The following METAP1D variants were observed in gnomAD, a reference collection of about 807,000 sequenced individuals.
METAP1D encodes the protein methionine aminopeptidase 1D, mitochondrial.
Under a neutral mutation model 40.5 loss-of-function variants are expected in METAP1D, and 31 were observed. That is an observed-to-expected ratio of 0.77 (90% CI 0.58 to 1.03). The LOEUF (loss-of-function observed/expected upper bound fraction) is 1.03. METAP1D is among the 50% of genes least tolerant of loss of function. The pLI is 0.00. For synonymous variants in METAP1D, 151 were observed against 146.4 expected (o/e 1.03, Z -0.22); for missense variants, 411 against 420.7 (o/e 0.98, Z 0.20).
At chr2:172,016,481 C>T (rs1159883019) in intron 1 of METAP1D, among the ~76,000 whole-genome samples, 1 of 150,286 alleles carries the variant, frequency 6.7e-6, no homozygotes, top group East Asian at 2.0e-4. Flanking sequence ...ATTAGCTGGA[C>T]GTGGTGGTGT....
At chr2:172,075,953 C>T (rs549047785) in intron 6 of METAP1D, among the ~76,000 whole-genome samples, 16 of 152,122 alleles carry the variant, frequency 1.1e-4, no homozygotes, top group African/African-American at 2.4e-4. Context: ...GCAGGACCCA[C>T]GGAGTAAATT....
intron 1 of METAP1D, among the ~76,000 whole-genome samples, chr2:172,026,097 A>G (rs1190528951): frequency 6.6e-6 from 1 of 152,138 alleles, no homozygotes; most frequent in African/African-American, 2.4e-5. Flanking sequence ...AGAATTAGGA[A>G]CCAAACATAT....
chr2:172,015,548 A>T (rs1688835382), intron 1 of METAP1D, among the ~76,000 whole-genome samples: 1 of 152,282 alleles, frequency 6.6e-6, no homozygotes, highest in Non-Finnish European at 1.5e-5. Flanking sequence ...ATGATTCAGT[A>T]AATTATGATT....
intron 1 of METAP1D, among the ~76,000 whole-genome samples, chr2:172,004,060 G>A (rs1258297780): frequency 6.6e-6 from 1 of 151,824 alleles, no homozygotes; most frequent in Non-Finnish European, 1.5e-5. Flanking sequence ...ATGAACCACC[G>A]CACCTGGCCA....
chr2:172,054,191 A>G (rs951708831), intron 1 of METAP1D, among the ~76,000 whole-genome samples: 2 of 152,188 alleles, frequency 1.3e-5, no homozygotes, highest in Non-Finnish European at 2.9e-5. Flanking sequence ...CAATAAATAT[A>G]GGGCATGTTG....
intron 6 of METAP1D, among the ~76,000 whole-genome samples, chr2:172,074,395 A>G (rs1690497838): frequency 6.6e-6 from 1 of 152,168 alleles, no homozygotes; most frequent in Admixed American, 6.5e-5. Flanking sequence ...CTCAGGCAAA[A>G]TAAGTCATTT....
intron 1 of METAP1D, among the ~76,000 whole-genome samples, chr2:172,012,666 C>T (rs1204608817): frequency 6.6e-6 from 1 of 152,102 alleles, no homozygotes; most frequent in African/African-American, 2.4e-5. Context: ...GATTAATTTT[C>T]TAATGTTGTT....
At position 172,078,999 on chromosome 2, in the gene METAP1D, G is replaced by C. The variant is rs528422098; in HGVS notation, c.803-216G>C. Among the ~76,000 whole-genome samples, 8 of 152,268 alleles carry C rather than the reference G, an allele frequency of 5.3e-5. No homozygotes were observed. In the South Asian group the frequency reaches 1.7e-3, roughly 32 times the overall value. On this transcript the variant is annotated intron_variant, in intron 7 of 9. Transcript: ENST00000315796. ...TGGAAAACTCTTCTGGGGGAGTCTT[G>C]ACCCAGAGCACAGATAATGCAAAGA...
chr2:172,016,333 A>G (rs1214271989), intron 1 of METAP1D, among the ~76,000 whole-genome samples: 2 of 81,506 alleles, frequency 2.5e-5, no homozygotes, highest in African/African-American at 6.7e-5. Context: ...ATATATATAA[A>G]TAGTCCAGGC....
intron 1 of METAP1D, among the ~76,000 whole-genome samples, chr2:172,052,705 C>T (rs201112774): frequency 5.9e-5 from 9 of 152,160 alleles, no homozygotes; most frequent in Admixed American, 2.0e-4. Flanking sequence ...TTATTATGAT[C>T]GGTTAAAAAA....
chr2:172,034,319 T>A (rs979070821), intron 1 of METAP1D, among the ~76,000 whole-genome samples: 1 of 152,150 alleles, frequency 6.6e-6, no homozygotes, highest in African/African-American at 2.4e-5. Context: ...AAAAAGTTTT[T>A]AAAATAGGCT....
At chr2:172,014,527 T>A (rs1688807401) in intron 1 of METAP1D, among the ~76,000 whole-genome samples, 1 of 152,262 alleles carries the variant, frequency 6.6e-6, no homozygotes, top group African/African-American at 2.4e-5. Flanking sequence ...CATAGCCTGC[T>A]TCTGACATGT....
intron 1 of METAP1D, among the ~76,000 whole-genome samples, chr2:172,040,934 A>T (rs1689506458): frequency 1.3e-5 from 2 of 151,388 alleles, no homozygotes; most frequent in Admixed American, 1.3e-4. Context: ...TTTAGTAGAG[A>T]CGCCCGGCTA....
At chr2:172,065,916 G>T (rs1039532140) in intron 4 of METAP1D, among the ~76,000 whole-genome samples, 164 bp downstream of exon 4, 1 of 152,170 alleles carries the variant, frequency 6.6e-6, no homozygotes, top group Admixed American at 6.5e-5. Context: ...CTTCTAAATG[G>T]ATACACCACC....
intron 1 of METAP1D, among the ~76,000 whole-genome samples, chr2:172,027,932 C>T (rs1021600367): frequency 2.8e-4 from 43 of 152,182 alleles, no homozygotes; most frequent in African/African-American, 1.0e-3. Flanking sequence ...CTGAAGAGAC[C>T]TAAAGAAAGG....
intron 5 of METAP1D, among the ~76,000 whole-genome samples, chr2:172,067,236 G>A (rs1009705691): frequency 1.1e-4 from 17 of 152,008 alleles, no homozygotes; most frequent in Non-Finnish European, 2.5e-4. Flanking sequence ...CAATATTCAG[G>A]GAATACAATT....
rs1690739740 is a variant in METAP1D at position 172,082,370 on chromosome 2, T to A, written c.*1964T>A. 1 of 152,268 alleles carries A rather than the reference T, an allele frequency of 6.6e-6. No homozygotes were observed. The highest frequency in any genetic ancestry group is 2.4e-5 in the African/African-American group (1 of 41,478). The allele number at this position is 152,268 out of a possible 1,614,324, so 9.4% of individuals were successfully genotyped here. A position where few individuals can be genotyped will look rare whatever the true frequency, so the allele number is the denominator to read the frequency against. ...CACGCTGCTTGTGCAGCAATTATTT[T>A]GAGGTGGAGGTATTTATGGGACAAG... On this transcript the variant is annotated 3_prime_UTR_variant, in exon 10 of 10. Coordinates refer to ENST00000315796, the MANE Select transcript of METAP1D (RefSeq NM_199227.3).
chr2:172,005,520 T>TTTTTTTTA (rs1267182910), intron 1 of METAP1D, among the ~76,000 whole-genome samples: 8 of 110,940 alleles, frequency 7.2e-5, no homozygotes, highest in Non-Finnish European at 9.0e-5. Context: ...TGTCTGTATT[T>TTTTTTTTA]TATATATATA....
At chr2:172,074,596 C>G (rs2105497666) in intron 6 of METAP1D, among the ~76,000 whole-genome samples, 1 of 152,196 alleles carries the variant, frequency 6.6e-6, no homozygotes, top group Non-Finnish European at 1.5e-5. Flanking sequence ...AATTTGTGAT[C>G]TGGTTTGAAA....
Sources: allele counts gnomAD v4.1 joint callset (sites outside exome capture counted in the v4.1 genomes callset), GRCh38; gene constraint gnomAD v4.1.1; transcripts MANE v1.5; gene names NCBI Gene and HGNC (gene_info 2026-07-23, HGNC 2026-07-21).